Variants in FBXO43 observed in about 807,000 individuals in gnomAD.
The protein encoded by FBXO43 is F-box only protein 43.
Under a neutral mutation model 56.7 loss-of-function variants are expected in FBXO43, and 22 were observed. That is an observed-to-expected ratio of 0.39 (90% CI 0.28 to 0.55). FBXO43 has a LOEUF of 0.55. Ranked by LOEUF, FBXO43 falls within the 20% of genes least tolerant of loss-of-function variation. The pLI is 0.66. For missense variants in FBXO43, 733 were observed against 814.9 expected (o/e 0.90, Z 1.22); for synonymous variants, 306 against 294.5 (o/e 1.04, Z -0.40).
In FBXO43 at chr8:100,137,549, G is replaced by A; in HGVS notation, c.1674+16C>T. 4.0e-6 allele frequency: 6 copies of A among 1,502,768 alleles called. No individual in the cohort carries two copies. The highest frequency in any genetic ancestry group is 4.6e-6 in the Non-Finnish European group (5 of 1,083,260). 93.1% of individuals were successfully genotyped at this position (1,502,768 alleles called of 1,614,324 possible). On this transcript the variant is annotated intron_variant, in intron 3 of 4. Coordinates refer to ENST00000428847, the MANE Select transcript of FBXO43 (RefSeq NM_001029860.4). ...ATTTATACAAATCCATTTTAGAGAAGTATTACATACATTACCTCAGAATCT... is the reference window on the plus strand; with the variant it reads ...ATTTATACAAATCCATTTTAGAGAAATATTACATACATTACCTCAGAATCT...
At position 100,145,156 on chromosome 8, in the gene FBXO43, A is replaced by C. The variant is rs1193214332; in HGVS notation, c.-21T>G. 1.9e-6 allele frequency: 3 copies of C among 1,594,580 alleles called. No individual in the cohort carries two copies. The African/African-American group carries it at 4.1e-5, about 22-fold the overall frequency. The stretch of plus-strand genomic sequence containing the variant: ...CTCATGCCAAAATAATGCCACTTAA[A>C]GAGGAAAACTTTAGTTTGCACAATT... On this transcript the variant is annotated 5_prime_UTR_variant, in exon 1 of 5. Transcript: ENST00000428847.
upstream of FBXO43, among the ~76,000 whole-genome samples, chr8:100,147,964 C>T (rs1814862050): frequency 6.6e-6 from 1 of 152,190 alleles, no homozygotes; most frequent in Non-Finnish European, 1.5e-5. Flanking sequence ...CTATTACAGC[C>T]ATTTTACCCT....
chr8:100,144,656 G>T (rs1353603673), intron 1 of FBXO43, among the ~76,000 whole-genome samples: 1 of 150,936 alleles, frequency 6.6e-6, no homozygotes, highest in Non-Finnish European at 1.5e-5. Context: ...CAGCGGCCGG[G>T]CGCGGTGGCT....
At chr8:100,144,332 T>A (rs1040010596) in intron 1 of FBXO43, among the ~76,000 whole-genome samples, 2 of 151,070 alleles carry the variant, frequency 1.3e-5, no homozygotes, top group African/African-American at 2.4e-5. Context: ...GGTAACATAG[T>A]GAGACCCCAT....
intron 3 of FBXO43, among the ~76,000 whole-genome samples, chr8:100,135,551 G>T (rs1445421357): frequency 6.6e-6 from 1 of 151,924 alleles, no homozygotes; most frequent in Non-Finnish European, 1.5e-5. Context: ...GGGGGGAAAA[G>T]TACAGTTCTT....
intron 2 of FBXO43, among the ~76,000 whole-genome samples, chr8:100,139,463 C>G (rs1030379054): frequency 6.6e-6 from 1 of 152,090 alleles, no homozygotes; most frequent in African/African-American, 2.4e-5. Flanking sequence ...AACCAAGGAC[C>G]CTGTAAAAAA....
At position 100,141,025 on chromosome 8, in the gene FBXO43, C is replaced by T; in HGVS notation, c.1229G>A (p.Arg410Lys). Residue 410 changes from arginine to lysine, a missense_variant, in exon 2 of 5, where the codon AGA becomes AAA. Arg to Lys is a conservative substitution (Grantham distance 26, BLOSUM62 2). Coordinates refer to ENST00000428847, the MANE Select transcript of FBXO43 (RefSeq NM_001029860.4). Reference sequence around the variant, plus strand: ...TGAGATGGCAGAAGCAGCTGCTGCTCTTTTTTCAGAGTCAGGGTGGACAAT... The same window carrying T: ...TGAGATGGCAGAAGCAGCTGCTGCTTTTTTTTCAGAGTCAGGGTGGACAAT... ...KQIVHPDSEKRAAAASAISEG... is the reference protein window; with the variant it reads ...KQIVHPDSEKKAAAASAISEG... 1 of 1,614,230 alleles carries T rather than the reference C, an allele frequency of 6.2e-7. No individual in the cohort carries two copies. The highest frequency in any genetic ancestry group is 8.5e-7 in the Non-Finnish European group (1 of 1,180,042).
At position 100,134,038 on chromosome 8, in the gene FBXO43, G is replaced by A; in HGVS notation, c.1891C>T (p.Leu631Phe). 6.2e-7 allele frequency: 1 copy of A among 1,613,670 alleles called. No individual in the cohort carries two copies. Among genetic ancestry groups the A allele is most frequent in the Non-Finnish European group, 8.5e-7 (1 of 1,179,654 alleles). ...QEEYVKVAKT[L>F]FTDEALKPCP... is the part of the protein sequence containing the mutation. ...GGTTTTAATGCTTCATCAGTAAAAA[G>A]TGTTTTGGCAACCTGCAGTGAAAGC... The change falls in exon 5 of 5, where the codon CTT becomes TTT. Residue 631 changes from leucine (L) to phenylalanine (F), a missense_variant. Leu to Phe is a conservative substitution (Grantham distance 22). Transcript: ENST00000428847.
chr8:100,147,931 T>A (rs1235037904), upstream of FBXO43, among the ~76,000 whole-genome samples: 1 of 152,176 alleles, frequency 6.6e-6, no homozygotes, highest in Non-Finnish European at 1.5e-5. Context: ...AATAGTACCC[T>A]CTCTAGCTCT....
chr8:100,141,483 A>C lies in FBXO43; in HGVS notation c.771T>G (p.Asn257Lys), dbSNP rs369057548. Reference sequence around the variant, plus strand: ...AGTCATGTGTGATAGAGTCTTTAAAATTATTGCCCTGAATTGGAGATATAC... The same window carrying C: ...AGTCATGTGTGATAGAGTCTTTAAACTTATTGCCCTGAATTGGAGATATAC... ...VECISPIQGN[N>K]FKDSITHDFS... is the part of the protein sequence containing the mutation. The change falls in exon 2 of 5, where the codon AAT becomes AAG. Residue 257 changes from asparagine (N) to lysine (K), a missense_variant. By Grantham distance (94) the Asn-to-Lys change is moderately conservative. Transcript: ENST00000428847. 5.0e-6 allele frequency: 8 copies of C among 1,613,002 alleles called. No individual in the cohort carries two copies. The highest frequency in any genetic ancestry group is 6.8e-6 in the Non-Finnish European group (8 of 1,180,014).
rs1699204722 is a variant in FBXO43, at chr8:100,145,223, G to A, written c.-88C>T. 4.9e-6 allele frequency: 5 copies of A among 1,024,388 alleles called. No individual in the cohort carries two copies. The highest frequency in any genetic ancestry group is 3.2e-5 in the African/African-American group (2 of 61,660). The allele number at this position is 1,024,388 out of a possible 1,614,324, so 63.5% of individuals were successfully genotyped here. On this transcript the variant is annotated 5_prime_UTR_variant, in exon 1 of 5. Transcript: ENST00000428847. ...AGCATCATGATTGCTCAAAGTCGAA[G>A]GGTACACAGGGTGCATGCCGCAGGG...
At position 100,134,704 on chromosome 8, in the gene FBXO43, G is replaced by A. The variant is rs2132118126; in HGVS notation, c.1675-340C>T. ...ATAATATATAATCTAGACTTTGTGG[G>A]CCATGTAGTTCCAGCTACTCAACTC... On this transcript the variant is annotated intron_variant, in intron 3 of 4. Transcript: ENST00000428847. Among the ~76,000 whole-genome samples the A allele has an allele frequency of 1.3e-5, 2 of 152,190 alleles. 1 individual carries two copies. Among genetic ancestry groups the A allele is most frequent in the Admixed American group, 1.3e-4 (2 of 15,272 alleles).
chr8:100,134,172 C>T lies in FBXO43; in HGVS notation c.1867G>A (p.Glu623Lys), dbSNP rs1409703539. 6.8e-6 allele frequency: 11 copies of T among 1,613,520 alleles called. No individual in the cohort carries two copies. In the South Asian group the frequency reaches 1.1e-4, roughly 16 times the overall value. The change falls in exon 4 of 5, where the codon GAA becomes AAA. Residue 623 changes from glutamate (E) to lysine (K), a missense_variant. Coordinates refer to ENST00000428847, the MANE Select transcript of FBXO43 (RefSeq NM_001029860.4). Reference sequence around the variant, plus strand: ...TAATAAATACTTACCTTAACATATTCTTCCTGTTTACTACTTAAGTGAGTA... The same window carrying T: ...TAATAAATACTTACCTTAACATATTTTTCCTGTTTACTACTTAAGTGAGTA... ...SVTHLSSKQE[E>K]YVKVAKTLFT...
chr8:100,148,213 A>G (rs1015594383), upstream of FBXO43, among the ~76,000 whole-genome samples: 2 of 148,084 alleles, frequency 1.4e-5, no homozygotes, highest in African/African-American at 5.0e-5. Flanking sequence ...TTTTCTTGAG[A>G]TATTTTATTA....
chr8:100,134,447 C>T, intron 3 of FBXO43, 83 bp from the exon 4 acceptor site: 1 of 1,179,226 alleles, frequency 8.5e-7, no homozygotes, highest in Non-Finnish European at 1.2e-6. Context: ...GATTTATATG[C>T]TTTGAAGAGG....
Position 100,141,645 on chromosome 8 carries a change from A to G in FBXO43, c.609T>C (p.Phe203=). ...SASGFSRANN[F]SPLVTSTLKT... is the part of the protein sequence containing the mutation. ...TTAAAGTGCTAGTAACTAAAGGGCT[A>G]AAATTATTTGCCCTGGAAAAACCTG... The change falls in exon 2 of 5, where the codon TTT becomes TTC. Residue 203 remains phenylalanine (F), a synonymous_variant. Coordinates refer to ENST00000428847, the MANE Select transcript of FBXO43 (RefSeq NM_001029860.4). The G allele has an allele frequency of 6.2e-7, 1 of 1,613,236 alleles. No homozygotes were observed. Among genetic ancestry groups the G allele is most frequent in the Non-Finnish European group, 8.5e-7 (1 of 1,179,508 alleles).
intron 3 of FBXO43, 116 bp downstream of exon 3, chr8:100,137,449 T>A: frequency 1.5e-6 from 1 of 650,502 alleles, no homozygotes; most frequent in Non-Finnish European, 2.6e-6. Context: ...TATGAGTGAA[T>A]GTTTGTTAAA....
At chr8:100,136,877 T>G (rs1814483756) in intron 3 of FBXO43, 1 of 152,260 alleles carries the variant, frequency 6.6e-6, no homozygotes. Flanking sequence ...GTCAGAAATG[T>G]TCACCATTGT....
At position 100,141,368 on chromosome 8, in the gene FBXO43, C is replaced by T. The variant is rs761952021; in HGVS notation, c.886G>A (p.Glu296Lys). ...SVSGTTCGTDEDIFVTPISNL... is the reference protein window; with the variant it reads ...SVSGTTCGTDKDIFVTPISNL... Reference sequence around the variant, plus strand: ...CTTATCGGAGTCACAAATATGTCCTCATCTGTTCCACAAGTTGTTCCACTA... The same window carrying T: ...CTTATCGGAGTCACAAATATGTCCTTATCTGTTCCACAAGTTGTTCCACTA... Residue 296 changes from glutamate (E) to lysine (K), a missense_variant, in exon 2 of 5, where the codon GAG (glutamate) becomes AAG (lysine). Transcript: ENST00000428847. The T allele has an allele frequency of 1.7e-5, 27 of 1,613,326 alleles. No individual in the cohort carries two copies. Among genetic ancestry groups the T allele is most frequent in the African/African-American group, 2.7e-5 (2 of 74,932 alleles).
Sources: allele counts gnomAD v4.1 joint callset (sites outside exome capture counted in the v4.1 genomes callset), GRCh38; gene constraint gnomAD v4.1.1; transcripts MANE v1.5; gene names NCBI Gene and HGNC (gene_info 2026-07-23, HGNC 2026-07-21).